Variants in ZNF804B observed in about 807,000 individuals in gnomAD.
ZNF804B encodes the protein zinc finger protein 804B.
Under a neutral mutation model 101.4 loss-of-function variants are expected in ZNF804B, and 80 were observed. That is an observed-to-expected ratio of 0.79 (90% CI 0.66 to 0.95). ZNF804B has a LOEUF of 0.95. Ranked by LOEUF, ZNF804B falls within the 40% of genes least tolerant of loss-of-function variation. The probability of loss-of-function intolerance (pLI) is 0.00; values close to 1 mark genes in which losing one functional copy is unlikely to be tolerated. For synonymous variants in ZNF804B, 622 were observed against 558.8 expected (o/e 1.11, Z -1.59); for missense variants, 1,673 against 1,561.9 (o/e 1.07, Z -1.20).
intron 1 of ZNF804B, among the ~76,000 whole-genome samples, chr7:88,964,737 T>C (rs1489067010): frequency 6.6e-6 from 1 of 151,458 alleles, no homozygotes; most frequent in South Asian, 2.1e-4. Flanking sequence ...AAACAACATG[T>C]CTGGTATTCA....
intron 2 of ZNF804B, among the ~76,000 whole-genome samples, chr7:89,309,395 G>C (rs1790615766): frequency 6.6e-6 from 1 of 152,080 alleles, no homozygotes; most frequent in African/African-American, 2.4e-5. Context: ...AAATGATCTA[G>C]AAACTTATCT....
chr7:89,309,010 CA>C (rs1252503984), intron 2 of ZNF804B, among the ~76,000 whole-genome samples: 1 of 152,044 alleles, frequency 6.6e-6, no homozygotes, highest in African/African-American at 2.4e-5. Flanking sequence ...ATTTTAGAAT[CA>C]GGGGGTACAT....
chr7:89,288,501 C>T (rs997618534), intron 2 of ZNF804B, among the ~76,000 whole-genome samples: 1 of 152,020 alleles, frequency 6.6e-6, no homozygotes, highest in Non-Finnish European at 1.5e-5. Flanking sequence ...AAGAGAAGAC[C>T]TTATAAGACA....
In ZNF804B at chr7:89,334,813, CA is replaced by C; in HGVS notation, c.1833del (p.Gly612AlafsTer7). On this transcript the variant is annotated frameshift_variant, in exon 4 of 4. Coordinates refer to ENST00000333190, the MANE Select transcript of ZNF804B (RefSeq NM_181646.5). LOFTEE classifies it high-confidence loss of function. ...TAAGGAAGCTTCAAGGGCCCATTGGCAAGGCTGCAGAAAGGCAGTTCTAAAT... is the reference window on the plus strand; with the variant it reads ...TAAGGAAGCTTCAAGGGCCCATTGGCAGGCTGCAGAAAGGCAGTTCTAAAT... ...KLKEASRAHW[Q>X]GCRKAVLNDI... is the part of the protein sequence containing the mutation. 1 of 1,613,808 alleles carries C rather than the reference CA, an allele frequency of 6.2e-7. No individual in the cohort carries two copies. Among genetic ancestry groups the C allele is most frequent in the Non-Finnish European group, 8.5e-7 (1 of 1,179,876 alleles).
chr7:88,985,159 G>T lies in ZNF804B; in HGVS notation c.108+225075G>T, dbSNP rs149276307. The stretch of plus-strand genomic sequence containing the variant: ...CTATAGTAGTTTTTGATAACTATAT[G>T]AATTAATGGATGAATGAATTTCCAA... On this transcript the variant is annotated intron_variant, in intron 1 of 3. Coordinates refer to ENST00000333190, the MANE Select transcript of ZNF804B (RefSeq NM_181646.5). 1.9e-3 allele frequency among the ~76,000 whole-genome samples: 288 copies of T among 150,400 alleles called. 2 individuals carry two copies. The highest frequency in any genetic ancestry group is 6.8e-3 in the African/African-American group (278 of 40,928).
At chr7:88,877,026 A>ATATATATATATATATATATATAAT (rs1491138122) in intron 1 of ZNF804B, among the ~76,000 whole-genome samples, 1 of 41,096 alleles carries the variant, frequency 2.4e-5, no homozygotes, top group African/African-American at 1.7e-4. Context: ...ATATATATAT[A>ATATATATATATATATATATATAAT]ATATATATAT....
chr7:89,077,577 A>G (rs776870713), intron 1 of ZNF804B, among the ~76,000 whole-genome samples: 9 of 152,164 alleles, frequency 5.9e-5, no homozygotes, highest in Non-Finnish European at 1.3e-4. Context: ...GCCTGGTGAT[A>G]TAGCACTTTA....
intron 1 of ZNF804B, among the ~76,000 whole-genome samples, chr7:89,016,521 G>A (rs1242862261): frequency 1.3e-5 from 2 of 150,738 alleles, no homozygotes; most frequent in Admixed American, 6.6e-5. Context: ...TATATAAGGT[G>A]TAAGGAAGGG....
At chr7:88,885,586 C>T (rs1245631935) in intron 1 of ZNF804B, among the ~76,000 whole-genome samples, 2 of 150,404 alleles carry the variant, frequency 1.3e-5, no homozygotes, top group Non-Finnish European at 3.0e-5. Context: ...CAAAGAACAA[C>T]TATAAGCAAT....
rs1248367817 is a variant in ZNF804B at position 89,336,014 on chromosome 7, C to G, written c.3032C>G (p.Thr1011Arg). Reference sequence around the variant, plus strand: ...AAAGACAAAAGCAAAAGTTCACACACAAATAATTTTACAATTTTAGCAGAC... The same window carrying G: ...AAAGACAAAAGCAAAAGTTCACACAGAAATAATTTTACAATTTTAGCAGAC... Reference protein sequence around the residue: ...TEKDKSKSSHTNNFTILADTD... With the variant: ...TEKDKSKSSHRNNFTILADTD... The change falls in exon 4 of 4, where the codon ACA becomes AGA. Residue 1011 changes from threonine (T) to arginine (R), a missense_variant. Thr to Arg is a moderately conservative substitution (Grantham distance 71). Coordinates refer to ENST00000333190, the MANE Select transcript of ZNF804B (RefSeq NM_181646.5). 6.2e-7 allele frequency: 1 copy of G among 1,613,970 alleles called. No homozygotes were observed. Among genetic ancestry groups the G allele is most frequent in the Non-Finnish European group, 8.5e-7 (1 of 1,179,984 alleles).
intron 2 of ZNF804B, among the ~76,000 whole-genome samples, chr7:89,266,412 A>T (rs1404014782): frequency 6.6e-6 from 1 of 152,170 alleles, no homozygotes; most frequent in Non-Finnish European, 1.5e-5. Flanking sequence ...TCCAAGTAGC[A>T]GCATTGACTA....
intron 1 of ZNF804B, among the ~76,000 whole-genome samples, chr7:88,783,233 C>A (rs963113030): frequency 6.6e-6 from 1 of 152,174 alleles, no homozygotes; most frequent in African/African-American, 2.4e-5. Context: ...TTTTGCATGT[C>A]GTTTGTGCTT....
At chr7:89,275,631 C>G (rs1584098169) in intron 2 of ZNF804B, among the ~76,000 whole-genome samples, 1 of 151,908 alleles carries the variant, frequency 6.6e-6, no homozygotes, top group African/African-American at 2.4e-5. Flanking sequence ...TGATCCAATT[C>G]CATCTTTCTT....
At chr7:89,261,042 G>A (rs1188219400) in intron 2 of ZNF804B, among the ~76,000 whole-genome samples, 2 of 152,152 alleles carry the variant, frequency 1.3e-5, no homozygotes, top group Non-Finnish European at 2.9e-5. Flanking sequence ...CAATTGAAAT[G>A]AGTACTGTTA....
intron 2 of ZNF804B, among the ~76,000 whole-genome samples, chr7:89,241,123 C>T (rs1056314005): frequency 6.6e-6 from 1 of 152,052 alleles, no homozygotes; most frequent in Non-Finnish European, 1.5e-5. Flanking sequence ...TTCCTAAAAC[C>T]ACTGAAGGCC....
intron 1 of ZNF804B, among the ~76,000 whole-genome samples, chr7:88,824,341 G>A (rs1390425290): frequency 6.6e-6 from 1 of 152,132 alleles, no homozygotes; most frequent in African/African-American, 2.4e-5. Flanking sequence ...GGTTACATAA[G>A]AGGCATTTCC....
chr7:89,249,401 T>C (rs1408603977), intron 2 of ZNF804B, among the ~76,000 whole-genome samples: 1 of 152,134 alleles, frequency 6.6e-6, no homozygotes, highest in Non-Finnish European at 1.5e-5. Flanking sequence ...TTTTAACAAA[T>C]TGTTCAAAAA....
chr7:88,784,968 T>C (rs1416798615), intron 1 of ZNF804B, among the ~76,000 whole-genome samples: 1 of 152,182 alleles, frequency 6.6e-6, no homozygotes, highest in East Asian at 1.9e-4. Flanking sequence ...AATGAGGCTT[T>C]CTTCTCTGCT....
At chr7:88,796,308 A>C (rs911733832) in intron 1 of ZNF804B, among the ~76,000 whole-genome samples, 6 of 152,136 alleles carry the variant, frequency 3.9e-5, no homozygotes, top group Admixed American at 2.6e-4. Flanking sequence ...TTTAATGATA[A>C]TACAATGATA....
Sources: allele counts gnomAD v4.1 joint callset (sites outside exome capture counted in the v4.1 genomes callset), GRCh38; gene constraint gnomAD v4.1.1; transcripts MANE v1.5; gene names NCBI Gene and HGNC (gene_info 2026-07-23, HGNC 2026-07-21).